The following TANC1 variants were observed in gnomAD, a reference collection of about 807,000 sequenced individuals.
TANC1 encodes protein TANC1.
A neutral mutation model predicts 149.7 loss-of-function variants in TANC1; 77 were observed. The ratio of observed to expected loss-of-function variants is 0.51; its 90% CI spans 0.43 to 0.62. The LOEUF (loss-of-function observed/expected upper bound fraction) is 0.62. Ranked by LOEUF, TANC1 falls within the 20% of genes least tolerant of loss-of-function variation. The pLI, the probability that TANC1 is intolerant of heterozygous loss-of-function variation, is 0.00. For missense variants in TANC1, 1,985 were observed against 2,321.8 expected (o/e 0.85, Z 2.98); for synonymous variants, 854 against 925.0 (o/e 0.92, Z 1.39).
chr2:158,985,258 C>T (rs991685187), intron 1 of TANC1, among the ~76,000 whole-genome samples: 9 of 152,310 alleles, frequency 5.9e-5, no homozygotes, highest in Non-Finnish European at 1.0e-4. Flanking sequence ...CTGTTGTCAT[C>T]CTCATTTTGC....
chr2:159,214,257 C>T (rs923062427), intron 19 of TANC1, among the ~76,000 whole-genome samples: 23 of 152,044 alleles, frequency 1.5e-4, no homozygotes, highest in African/African-American at 4.1e-4. Context: ...TAAGCATTTG[C>T]GGAAACTTTG....
chr2:159,053,293 G>T (rs2041606737), intron 2 of TANC1, among the ~76,000 whole-genome samples: 3 of 151,614 alleles, frequency 2.0e-5, no homozygotes, highest in Non-Finnish European at 4.4e-5. Context: ...AAAAAAAAGA[G>T]AAAAAAATAA....
At chr2:159,069,765 C>CTTT (rs67843631) in intron 3 of TANC1, among the ~76,000 whole-genome samples, 30 of 109,364 alleles carry the variant, frequency 2.7e-4, no homozygotes, top group Non-Finnish European at 3.3e-4. Context: ...TATGTGCAAG[C>CTTT]TTTTTTTTTT....
intron 14 of TANC1, among the ~76,000 whole-genome samples, chr2:159,182,212 A>AG (rs1296992840): frequency 6.6e-6 from 1 of 151,482 alleles, no homozygotes; most frequent in Non-Finnish European, 1.5e-5. Flanking sequence ...TGTCTCAAAA[A>AG]AAAAGAAAGA....
intron 4 of TANC1, among the ~76,000 whole-genome samples, chr2:159,102,726 T>TC: frequency 2.2e-5 from 1 of 46,078 alleles, no homozygotes; most frequent in Non-Finnish European, 7.0e-5. Flanking sequence ...TTTTTTTTTT[T>TC]TTTTTTTTTT....
chr2:159,099,307 C>A (rs1313136808), intron 4 of TANC1, among the ~76,000 whole-genome samples: 2 of 151,948 alleles, frequency 1.3e-5, no homozygotes, highest in Non-Finnish European at 2.9e-5. Context: ...CCTTCTTTGC[C>A]CTCCCTCACT....
At chr2:158,972,997 AGCTGTGTT>A (rs2033119945) in intron 1 of TANC1, among the ~76,000 whole-genome samples, 1 of 152,154 alleles carries the variant, frequency 6.6e-6, no homozygotes, top group African/African-American at 2.4e-5. Context: ...GGTTTGGTTT[AGCTGTGTT>A]GCTGATGGAA....
intron 3 of TANC1, among the ~76,000 whole-genome samples, chr2:159,095,608 C>T (rs1050100986): frequency 6.6e-5 from 10 of 151,770 alleles, no homozygotes; most frequent in Non-Finnish European, 1.3e-4. Context: ...TGGTGGCGGG[C>T]GCCTGTAATC....
rs372950362 is a variant in TANC1, at chr2:159,097,648, G to A, written c.73G>A (p.Gly25Ser). The A allele has an allele frequency of 2.1e-5, 34 of 1,613,640 alleles. No individual in the cohort carries two copies. In the African/African-American group the frequency reaches 4.0e-4, roughly 19 times the overall value. The change falls in exon 4 of 27, where the codon GGT becomes AGT. Residue 25 changes from glycine (G) to serine (S), a missense_variant. Gly to Ser is a moderately conservative substitution (Grantham distance 56, BLOSUM62 0). Coordinates refer to ENST00000263635, the MANE Select transcript of TANC1 (RefSeq NM_033394.3). Reference sequence around the variant, plus strand: ...TCTCTCTACTCTAGGAAGTGACTTTGGTCCAGAGACTTCTCCAGTCCTGCA... The same window carrying A: ...TCTCTCTACTCTAGGAAGTGACTTTAGTCCAGAGACTTCTCCAGTCCTGCA... ...GGKKEAGSDF[G>S]PETSPVLHLD...
intron 1 of TANC1, among the ~76,000 whole-genome samples, chr2:158,980,592 C>T (rs770469167): frequency 6.6e-6 from 1 of 151,882 alleles, no homozygotes; most frequent in Non-Finnish European, 1.5e-5. Flanking sequence ...CTGGCTAACA[C>T]GGTGAAACCC....
chr2:159,067,858 A>G (rs1178417024), intron 3 of TANC1, among the ~76,000 whole-genome samples: 2 of 152,206 alleles, frequency 1.3e-5, no homozygotes. Flanking sequence ...TTCAGCACCC[A>G]TGTCTTTCAG....
At chr2:159,190,163 G>A (rs1472551392) in intron 16 of TANC1, among the ~76,000 whole-genome samples, 1 of 152,210 alleles carries the variant, frequency 6.6e-6, no homozygotes, top group African/African-American at 2.4e-5. Flanking sequence ...GGCACCTAAA[G>A]CACAGAGAGG....
At chr2:159,039,320 T>C (rs1259740698) in intron 2 of TANC1, among the ~76,000 whole-genome samples, 2 of 152,178 alleles carry the variant, frequency 1.3e-5, no homozygotes, top group African/African-American at 2.4e-5. Context: ...TATTATTTTA[T>C]TTTTGAAGGG....
At chr2:159,182,926 G>A (rs2056636472) in intron 14 of TANC1, among the ~76,000 whole-genome samples, 1 of 152,220 alleles carries the variant, frequency 6.6e-6, no homozygotes, top group African/African-American at 2.4e-5. Context: ...GGTAGAACAA[G>A]GCTGTTGCAG....
At chr2:159,179,218 G>A in intron 14 of TANC1, 55 bp downstream of exon 14, 1 of 1,556,046 alleles carries the variant, frequency 6.4e-7, no homozygotes, top group Non-Finnish European at 8.7e-7. Flanking sequence ...TGCAGTTGGG[G>A]AAAGGATTTA....
intron 13 of TANC1, among the ~76,000 whole-genome samples, chr2:159,177,148 G>A (rs952448683): frequency 6.6e-6 from 1 of 152,084 alleles, no homozygotes; most frequent in Non-Finnish European, 1.5e-5. Context: ...GACCTCAGGT[G>A]ATCCACCCAC....
chr2:159,189,370 G>A (rs1349372435), intron 16 of TANC1, among the ~76,000 whole-genome samples: 2 of 152,180 alleles, frequency 1.3e-5, no homozygotes, highest in Non-Finnish European at 2.9e-5. Flanking sequence ...AGCCCAGGCT[G>A]GGCATGCAGG....
At chr2:159,083,993 T>C (rs902956006) in intron 3 of TANC1, among the ~76,000 whole-genome samples, 1 of 152,184 alleles carries the variant, frequency 6.6e-6, no homozygotes, top group Non-Finnish European at 1.5e-5. Context: ...GGCTTACGCC[T>C]GTAATCCAAA....
intron 8 of TANC1, 113 bp downstream of exon 8, chr2:159,163,659 G>A (rs1348131940): frequency 1.7e-6 from 2 of 1,196,522 alleles, no homozygotes; most frequent in South Asian, 1.6e-5. Flanking sequence ...GTGGCCGTGG[G>A]TCAGGCACTT....
Sources: gnomAD v4.1 joint callset for allele counts (sites outside exome capture counted in the v4.1 genomes callset) on GRCh38, gnomAD v4.1.1 for gene constraint, MANE v1.5 for transcripts, NCBI Gene and HGNC (gene_info 2026-07-23, HGNC 2026-07-21) for gene names.